Variants in SDHC observed in about 807,000 individuals in gnomAD.
SDHC encodes succinate dehydrogenase complex subunit C.
Under a neutral mutation model 22.6 loss-of-function variants are expected in SDHC, and 11 were observed. That is an observed-to-expected ratio of 0.49 (90% CI 0.31 to 0.81). The LOEUF (loss-of-function observed/expected upper bound fraction) is 0.81, where lower values mean the gene tolerates loss of function less well. Ranked by LOEUF, SDHC falls within the 30% of genes least tolerant of loss-of-function variation. The pLI is 0.05. For missense variants in SDHC, 160 were observed against 212.0 expected, an observed-to-expected ratio of 0.75 and a Z score of 1.52; for synonymous variants, 80 against 77.8, an observed-to-expected ratio of 1.03 and a Z score of -0.15.
intron 5 of SDHC, among the ~76,000 whole-genome samples, chr1:161,361,842 CAAAAAA>C (rs35337467): frequency 3.6e-5 from 2 of 54,836 alleles, no homozygotes; most frequent in Non-Finnish European, 3.4e-5. Flanking sequence ...GAGTCCGTCT[CAAAAAA>C]AAAAAAAAAA....
rs1672571588 is a variant in SDHC at position 161,362,636 on chromosome 1, G to A, written c.*203G>A. The A allele has an allele frequency of 7.0e-6, 11 of 1,561,248 alleles. No homozygotes were observed. In the East Asian group the frequency reaches 2.5e-4, roughly 36 times the overall value. ...TAGTTTTCCCCTTGTTTCTAAAGAT[G>A]AGGTGGCTGCAAAAACTCCCCTTTT... On this transcript the variant is annotated 3_prime_UTR_variant, in exon 6 of 6. Transcript: ENST00000367975.
At chr1:161,347,211 G>A (rs1390801677) in intron 4 of SDHC, among the ~76,000 whole-genome samples, 1 of 152,130 alleles carries the variant, frequency 6.6e-6, no homozygotes, top group African/African-American at 2.4e-5. Flanking sequence ...CATAGGGATT[G>A]GAAATCTCCC....
rs80246038 is a variant in SDHC at position 161,356,484 on chromosome 1, A to G, written c.242-193A>G. Among the ~76,000 whole-genome samples, 17,802 of 152,186 alleles carry G rather than the reference A, an allele frequency of 0.12. 1,412 individuals are homozygous for G. Among genetic ancestry groups the G allele is most frequent in the African/African-American group, 0.22 (8,964 of 41,508 alleles). On this transcript the variant is annotated intron_variant, in intron 4 of 5. Transcript: ENST00000367975. Reference sequence around the variant, plus strand: ...AACTTGGGAGGTGGAGGTTGCAGTGAGCCAAGATTGCACCACTATACTCCA... The same window carrying G: ...AACTTGGGAGGTGGAGGTTGCAGTGGGCCAAGATTGCACCACTATACTCCA...
chr1:161,351,652 C>T (rs1285825984), intron 4 of SDHC, among the ~76,000 whole-genome samples: 2 of 152,140 alleles, frequency 1.3e-5, no homozygotes, highest in Non-Finnish European at 2.9e-5. Context: ...AAAACTCTTA[C>T]CAGAAGAGAA....
intron 5 of SDHC, among the ~76,000 whole-genome samples, chr1:161,358,838 C>A (rs61304797): frequency 0.12 from 17,721 of 149,740 alleles, 1,409 homozygotes; most frequent in African/African-American, 0.22. Context: ...AGGCAGGAGA[C>A]TTGCTTGAAC....
At chr1:161,316,604 A>G (rs1033823780) in intron 1 of SDHC, among the ~76,000 whole-genome samples, 1 of 152,196 alleles carries the variant, frequency 6.6e-6, no homozygotes, top group Non-Finnish European at 1.5e-5. Context: ...TTTTCCCCAT[A>G]GTCCACACTA....
intron 3 of SDHC, among the ~76,000 whole-genome samples, chr1:161,332,948 T>C (rs151021934): frequency 1.3e-5 from 2 of 152,274 alleles, no homozygotes; most frequent in East Asian, 3.9e-4. Context: ...TAGAATGTTT[T>C]CATCACTCCA....
chr1:161,314,663 C>T (rs1264614385), intron 1 of SDHC: 5 of 591,108 alleles, frequency 8.5e-6, no homozygotes, highest in South Asian at 6.2e-5. Context: ...CGGCTCTCGC[C>T]CCTTCTGTTT....
chr1:161,340,115 A>C (rs999528550), intron 3 of SDHC, among the ~76,000 whole-genome samples: 14 of 151,918 alleles, frequency 9.2e-5, no homozygotes, highest in South Asian at 4.2e-4. Flanking sequence ...AAGGTGATGA[A>C]ACCCCTTTAC....
At position 161,328,396 on chromosome 1, in the gene SDHC, T is replaced by A; in HGVS notation, c.78T>A (p.Asn26Lys). Residue 26 changes from asparagine (N) to lysine (K), a missense_variant and splice_region_variant, in exon 3 of 6, where the codon AAT (asparagine) becomes AAA (lysine). Physicochemically the swap from Asn to Lys is moderately conservative, Grantham distance 94 (BLOSUM62 0). Transcript: ENST00000367975. ...AHFSPQLCIRNAVPLGTTAKE... is the reference protein window; with the variant it reads ...AHFSPQLCIRKAVPLGTTAKE... ...TTCAAACGGTCTGGTTTTATTTTAGTGCTGTTCCTTTGGGAACCACGGCCA... is the reference window on the plus strand; with the variant it reads ...TTCAAACGGTCTGGTTTTATTTTAGAGCTGTTCCTTTGGGAACCACGGCCA... 6.2e-7 allele frequency: 1 copy of A among 1,606,684 alleles called. No individual in the cohort carries two copies. The highest frequency in any genetic ancestry group is 8.5e-7 in the Non-Finnish European group (1 of 1,173,504).
chr1:161,334,649 A>G (rs4309000), intron 3 of SDHC, among the ~76,000 whole-genome samples: 149,860 of 152,206 alleles, frequency 0.98, 73,782 homozygotes, highest in Middle Eastern at 1. Flanking sequence ...ATGTTGCTCA[A>G]GCTGGCTTTG....
chr1:161,317,446 G>T (rs1330275099), intron 1 of SDHC, among the ~76,000 whole-genome samples: 1 of 151,314 alleles, frequency 6.6e-6, no homozygotes, highest in Admixed American at 6.6e-5. Flanking sequence ...ACCTTGTGGA[G>T]CTATTGACAT....
intron 4 of SDHC, among the ~76,000 whole-genome samples, chr1:161,342,952 C>T (rs1331530511): frequency 1.3e-5 from 2 of 152,178 alleles, no homozygotes; most frequent in Non-Finnish European, 2.9e-5. Flanking sequence ...TTACTTTAGC[C>T]TGGGAGCAAT....
chr1:161,347,071 G>A (rs552641159), intron 4 of SDHC, among the ~76,000 whole-genome samples: 1 of 152,250 alleles, frequency 6.6e-6, no homozygotes, highest in South Asian at 2.1e-4. Flanking sequence ...ATCCATGGAT[G>A]CAGAACTCAG....
intron 4 of SDHC, among the ~76,000 whole-genome samples, chr1:161,344,850 T>C (rs535122934): frequency 6.6e-6 from 1 of 152,334 alleles, no homozygotes; most frequent in South Asian, 2.1e-4. Context: ...ATAACAACTG[T>C]CTCTTAGAAG....
chr1:161,328,280 G>A (rs1671140109), intron 2 of SDHC, 116 bp from the exon 3 acceptor site: 4 of 838,094 alleles, frequency 4.8e-6, no homozygotes, highest in Non-Finnish European at 8.2e-6. Flanking sequence ...GAGATTACAG[G>A]CCTGAGCAAC....
chr1:161,339,070 G>A (rs1571866324), intron 3 of SDHC, among the ~76,000 whole-genome samples: 2 of 152,046 alleles, frequency 1.3e-5, no homozygotes, highest in Admixed American at 1.3e-4. Context: ...GCCTGGTCTC[G>A]AACACCTGAC....
At chr1:161,324,363 G>T (rs1670971999) in intron 2 of SDHC, among the ~76,000 whole-genome samples, 1 of 152,246 alleles carries the variant, frequency 6.6e-6, no homozygotes. Flanking sequence ...CCCTGCCTCG[G>T]CTGGGATTAT....
Position 161,323,701 on chromosome 1 carries a change from T to A in SDHC, c.77+31T>A, listed in dbSNP as rs759799321. On this transcript the variant is annotated intron_variant, in intron 2 of 5. Coordinates refer to ENST00000367975, the MANE Select transcript of SDHC (RefSeq NM_003001.5). ...TTTCTAAGTCTGGAGATTATTTATT[T>A]ATTTTTTTTTTTGAGACGGAGTCTC... 2.1e-4 allele frequency: 324 copies of A among 1,522,762 alleles called. No homozygotes were observed. The highest frequency in any genetic ancestry group is 1.2e-3 in the African/African-American group (87 of 70,858). 94.3% of individuals were successfully genotyped at this position (1,522,762 alleles called of 1,614,324 possible).
Sources: allele counts gnomAD v4.1 joint callset (sites outside exome capture counted in the v4.1 genomes callset), GRCh38; gene constraint gnomAD v4.1.1; transcripts MANE v1.5; gene names NCBI Gene and HGNC (gene_info 2026-07-23, HGNC 2026-07-21).